The following DNAJC8 variants were observed in gnomAD, a reference collection of about 807,000 sequenced individuals.
The protein encoded by DNAJC8 is DnaJ heat shock protein family (Hsp40) member C8, also known as dnaJ homolog subfamily C member 8.
In DNAJC8, 24 loss-of-function variants were observed where a neutral mutation model predicts 43.2. That is an observed-to-expected ratio of 0.56 (90% CI 0.40 to 0.78). DNAJC8 has a LOEUF of 0.78. Among genes scored for constraint, DNAJC8 ranks in the 30% least tolerant of loss-of-function variants. The pLI is 0.00. For synonymous variants in DNAJC8, 83 were observed against 98.0 expected, an observed-to-expected ratio of 0.85 and a Z score of 0.90; for missense variants, 207 against 299.4, an observed-to-expected ratio of 0.69 and a Z score of 2.28.
At chr1:28,214,015 C>G (rs1646834051) in intron 3 of DNAJC8, among the ~76,000 whole-genome samples, 1 of 150,694 alleles carries the variant, frequency 6.6e-6, no homozygotes, top group East Asian at 2.0e-4. Flanking sequence ...GACCCTGTCT[C>G]AAAAAATAAT....
chr1:28,203,642 A>T, intron 8 of DNAJC8, 105 bp downstream of exon 8: 3 of 1,119,454 alleles, frequency 2.7e-6, no homozygotes, highest in Non-Finnish European at 4.1e-6. Flanking sequence ...ACTCTTCCCC[A>T]CATATCCCAC....
intron 2 of DNAJC8, among the ~76,000 whole-genome samples, chr1:28,222,096 A>G (rs1646902130): frequency 6.6e-6 from 1 of 152,156 alleles, no homozygotes; most frequent in South Asian, 2.1e-4. Context: ...ATGCGGAATT[A>G]TTGTTTAATG....
At chr1:28,203,022 T>C (rs1646747487) in intron 8 of DNAJC8, among the ~76,000 whole-genome samples, 1 of 151,864 alleles carries the variant, frequency 6.6e-6, no homozygotes, top group East Asian at 1.9e-4. Context: ...AGCTACTCTT[T>C]CCACTGCACC....
At chr1:28,227,031 A>G (rs1646939878) in intron 2 of DNAJC8, among the ~76,000 whole-genome samples, 1 of 140,276 alleles carries the variant, frequency 7.1e-6, no homozygotes, top group Non-Finnish European at 1.5e-5. Context: ...GAGTTCATTT[A>G]TGATTAAAGA....
In DNAJC8 at chr1:28,223,195, C is replaced by CA. The variant is rs1161585973; in HGVS notation, c.180+5726dup. ...AGAGCCCAAAAAATATGAAAAGAGA[C>CA]ATGGTATGTGGAGCCAGACCCCGAG... is the stretch of plus-strand genomic sequence containing the variant. On this transcript the variant is annotated intron_variant, in intron 2 of 8. Coordinates refer to ENST00000263697, the MANE Select transcript of DNAJC8 (RefSeq NM_014280.3). Among the ~76,000 whole-genome samples the CA allele has an allele frequency of 2.6e-5, 4 of 152,214 alleles. No individual in the cohort carries two copies. In the East Asian group the frequency reaches 7.7e-4, roughly 29 times the overall value.
intron 2 of DNAJC8, among the ~76,000 whole-genome samples, chr1:28,223,739 T>C (rs576038898): frequency 6.7e-6 from 1 of 149,370 alleles, no homozygotes; most frequent in Non-Finnish European, 1.5e-5. Flanking sequence ...AAAAAAAGAA[T>C]AATAATAAAG....
In DNAJC8 at chr1:28,205,245, T is replaced by C. The variant is rs1646760764; in HGVS notation, c.563+13A>G. 1.9e-6 allele frequency: 3 copies of C among 1,584,978 alleles called. No homozygotes were observed. Among genetic ancestry groups the C allele is most frequent in the Non-Finnish European group, 2.6e-6 (3 of 1,159,764 alleles). ...TATTTAAATATGGTTTAAATGAATATACTGATATGTACCTTTCATGCATCT... is the reference window on the plus strand; with the variant it reads ...TATTTAAATATGGTTTAAATGAATACACTGATATGTACCTTTCATGCATCT... On this transcript the variant is annotated intron_variant, in intron 7 of 8. Transcript: ENST00000263697.
intron 2 of DNAJC8, among the ~76,000 whole-genome samples, chr1:28,222,635 G>A (rs1380881079): frequency 6.6e-6 from 1 of 151,900 alleles, no homozygotes; most frequent in Non-Finnish European, 1.5e-5. Context: ...AATCCATTAA[G>A]TGGGGTCAGG....
At chr1:28,228,348 C>CAAA (rs78440134) in intron 2 of DNAJC8, among the ~76,000 whole-genome samples, 72 of 74,500 alleles carry the variant, frequency 9.7e-4, no homozygotes, top group African/African-American at 1.3e-3. Context: ...GACTCCGTCT[C>CAAA]AAAAAAAAAA....
intron 2 of DNAJC8, among the ~76,000 whole-genome samples, chr1:28,221,246 G>A (rs758785084): frequency 9.2e-5 from 14 of 152,048 alleles, no homozygotes; most frequent in Non-Finnish European, 1.5e-4. Context: ...GACTGAGACA[G>A]GAGAATTGCT....
chr1:28,228,814 C>G (rs1646955019), intron 2 of DNAJC8, 108 bp downstream of exon 2: 2 of 900,402 alleles, frequency 2.2e-6, no homozygotes, highest in South Asian at 3.5e-5. Flanking sequence ...CACCATTTTT[C>G]TCAATCCTAA....
At chr1:28,230,196 C>CA (rs1646964462) in intron 1 of DNAJC8, 1 of 152,182 alleles carries the variant, frequency 6.6e-6, no homozygotes, top group Non-Finnish European at 1.5e-5. Flanking sequence ...GTGTCACTGT[C>CA]AGAGTTGGAA....
chr1:28,230,758 C>T (rs1006816973), intron 1 of DNAJC8, among the ~76,000 whole-genome samples: 5 of 152,224 alleles, frequency 3.3e-5, no homozygotes, highest in Admixed American at 1.3e-4. Context: ...CTCCAGTCCT[C>T]TTGCCTCAGC....
chr1:28,209,930 G>C, intron 5 of DNAJC8, 42 bp downstream of exon 5: 1 of 1,585,508 alleles, frequency 6.3e-7, no homozygotes, highest in Non-Finnish European at 8.7e-7. Flanking sequence ...CCCAAGGCTT[G>C]CTGATACTTC....
In DNAJC8 at chr1:28,224,840, C is replaced by T. The variant is rs569711187; in HGVS notation, c.180+4082G>A. On this transcript the variant is annotated intron_variant, in intron 2 of 8. Coordinates refer to ENST00000263697, the MANE Select transcript of DNAJC8 (RefSeq NM_014280.3). ...CGGAGGTTGCAGTGAACCGATATTG[C>T]GCCACTGCACTCCAGTCTGGGCAGT... Among the ~76,000 whole-genome samples the T allele has an allele frequency of 8.5e-5, 13 of 152,120 alleles. No individual in the cohort carries two copies. In the South Asian group the frequency reaches 2.1e-3, roughly 24 times the overall value.
chr1:28,212,166 T>TAAATAAAA (rs1443725936), intron 3 of DNAJC8, among the ~76,000 whole-genome samples: 23 of 23,852 alleles, frequency 9.6e-4, no homozygotes, highest in South Asian at 2.2e-3. Flanking sequence ...AATAAATAAA[T>TAAATAAAA]AAATATATAT....
intron 6 of DNAJC8, among the ~76,000 whole-genome samples, chr1:28,206,141 A>G (rs959967738): frequency 6.6e-6 from 1 of 152,016 alleles, no homozygotes; most frequent in Non-Finnish European, 1.5e-5. Flanking sequence ...GCAGTGAGCC[A>G]TGACTATGCC....
At chr1:28,226,654 T>C (rs1303280699) in intron 2 of DNAJC8, among the ~76,000 whole-genome samples, 3 of 151,240 alleles carry the variant, frequency 2.0e-5, no homozygotes, top group African/African-American at 4.9e-5. Context: ...TACTTACACA[T>C]CTATTGTGTA....
intron 6 of DNAJC8, among the ~76,000 whole-genome samples, chr1:28,207,678 A>G (rs1347651630): frequency 6.6e-6 from 1 of 150,650 alleles, no homozygotes; most frequent in Non-Finnish European, 1.5e-5. Flanking sequence ...TCCTGATCTC[A>G]TGATCCACCC....
Sources: gnomAD v4.1 joint callset for allele counts (sites outside exome capture counted in the v4.1 genomes callset) on GRCh38, gnomAD v4.1.1 for gene constraint, MANE v1.5 for transcripts, NCBI Gene and HGNC (gene_info 2026-07-23, HGNC 2026-07-21) for gene names.